Variants in CNTN3 observed in about 807,000 individuals in gnomAD.
CNTN3 encodes the protein contactin-3.
In CNTN3, 60 loss-of-function variants were observed where a neutral mutation model predicts 119.1. The observed-to-expected ratio is 0.50, with a 90% CI of 0.41 to 0.62. The LOEUF is 0.62. CNTN3 is among the 20% of genes least tolerant of loss of function. The pLI, the probability that CNTN3 is intolerant of heterozygous loss-of-function variation, is 0.00. For missense variants in CNTN3, 1,101 were observed against 1,242.4 expected (o/e 0.89, Z 1.71); for synonymous variants, 450 against 438.7 (o/e 1.03, Z -0.32).
chr3:74,358,593 T>TTTGA (rs1553649314), intron 11 of CNTN3, among the ~76,000 whole-genome samples: 8 of 98,666 alleles, frequency 8.1e-5, no homozygotes, highest in African/African-American at 4.2e-4. Context: ...TTTTTTTTTT[T>TTTGA]TTGATTTATT....
chr3:74,310,240 C>A (rs1559695683), intron 13 of CNTN3, among the ~76,000 whole-genome samples: 1 of 152,020 alleles, frequency 6.6e-6, no homozygotes, highest in Non-Finnish European at 1.5e-5. Context: ...GAATAAAGAG[C>A]CATTGTTTCA....
intron 4 of CNTN3, among the ~76,000 whole-genome samples, chr3:74,473,555 C>T (rs910824395): frequency 6.6e-6 from 1 of 152,178 alleles, no homozygotes; most frequent in Non-Finnish European, 1.5e-5. Flanking sequence ...TTCATCATTT[C>T]ATTTATTGAA....
chr3:74,541,800 G>T (rs1236488953), intron 1 of CNTN3, among the ~76,000 whole-genome samples: 1 of 152,128 alleles, frequency 6.6e-6, no homozygotes, highest in Non-Finnish European at 1.5e-5. Context: ...AAAGAAAATA[G>T]CATTTTTTTT....
At chr3:74,460,271 G>GT (rs1702340992) in intron 4 of CNTN3, among the ~76,000 whole-genome samples, 1 of 151,910 alleles carries the variant, frequency 6.6e-6, no homozygotes, top group Non-Finnish European at 1.5e-5. Flanking sequence ...TTTAGAATAA[G>GT]TTTTTTATAT....
intron 13 of CNTN3, among the ~76,000 whole-genome samples, chr3:74,329,419 T>A (rs148951452): frequency 3.3e-4 from 51 of 152,324 alleles, no homozygotes; most frequent in African/African-American, 1.2e-3. Flanking sequence ...CTAGACATTC[T>A]TTATTTCTAA....
At chr3:74,303,216 G>C (rs1489266645) in intron 13 of CNTN3, among the ~76,000 whole-genome samples, 1 of 152,094 alleles carries the variant, frequency 6.6e-6, no homozygotes. Context: ...GGACACATGT[G>C]GGTATCTAGT....
chr3:74,274,169 A>T (rs529449059), intron 20 of CNTN3, among the ~76,000 whole-genome samples: 8 of 151,930 alleles, frequency 5.3e-5, no homozygotes, highest in Non-Finnish European at 1.2e-4. Flanking sequence ...CTGTAGGAGG[A>T]GGTCAGACAC....
At chr3:74,608,652 CTTTATACACTAAAATAAATTT>C (rs1705031390) in intron 1 of CNTN3, among the ~76,000 whole-genome samples, 1 of 152,088 alleles carries the variant, frequency 6.6e-6, no homozygotes, top group South Asian at 2.1e-4. Context: ...AAAATAAAAT[CTTTATACACTAAAATAAATTT>C]TAGCCCTAGA....
chr3:74,550,386 TG>T (rs1455674404), intron 1 of CNTN3, among the ~76,000 whole-genome samples: 15 of 152,052 alleles, frequency 9.9e-5, no homozygotes, highest in African/African-American at 3.6e-4. Flanking sequence ...AACATGGGAG[TG>T]GGCACAAAAT....
At position 74,320,719 on chromosome 3, in the gene CNTN3, C is replaced by T. The variant is rs13319606; in HGVS notation, c.1668+14016G>A. ...TCAGACAGATCCAACTTCATGAAGA[C>T]GTCCCTGAGCCTCATGGTTAGAACT... On this transcript the variant is annotated intron_variant, in intron 13 of 22. Transcript: ENST00000263665. Among the ~76,000 whole-genome samples the T allele has an allele frequency of 3.1e-3, 473 of 152,268 alleles. 4 individuals carry two copies. Among genetic ancestry groups the T allele is most frequent in the African/African-American group, 0.011 (458 of 41,554 alleles).
At chr3:74,605,653 A>G (rs1704979876) in intron 1 of CNTN3, among the ~76,000 whole-genome samples, 2 of 152,054 alleles carry the variant, frequency 1.3e-5, no homozygotes, top group Admixed American at 6.6e-5. Flanking sequence ...AGTTTTGGCT[A>G]CTTGCCAGCT....
chr3:74,336,213 A>C (rs1559552679), intron 12 of CNTN3, among the ~76,000 whole-genome samples: 1 of 152,150 alleles, frequency 6.6e-6, no homozygotes, highest in Non-Finnish European at 1.5e-5. Flanking sequence ...TAATGAAAAA[A>C]ACAAAGTGTA....
chr3:74,294,269 G>C (rs893042509), intron 19 of CNTN3, among the ~76,000 whole-genome samples: 2 of 152,216 alleles, frequency 1.3e-5, no homozygotes, highest in Non-Finnish European at 2.9e-5. Context: ...TATCTTGCCA[G>C]TTCTCAGCTC....
intron 4 of CNTN3, among the ~76,000 whole-genome samples, chr3:74,456,145 G>T (rs1702264628): frequency 6.6e-6 from 1 of 151,908 alleles, no homozygotes; most frequent in Non-Finnish European, 1.5e-5. Context: ...TTGCTGCTTG[G>T]AGACTTAGGA....
At chr3:74,295,472 CT>C (rs772578107) in intron 18 of CNTN3, among the ~76,000 whole-genome samples, 3 of 152,146 alleles carry the variant, frequency 2.0e-5, no homozygotes, top group Non-Finnish European at 4.4e-5. Flanking sequence ...ACTTTCCTCC[CT>C]TGCACCTCTT....
At chr3:74,270,193 A>G (rs1317335889) in intron 20 of CNTN3, among the ~76,000 whole-genome samples, 1 of 152,164 alleles carries the variant, frequency 6.6e-6, no homozygotes. Context: ...CCTGCCTGTA[A>G]ATAGGCATAA....
At chr3:74,396,847 C>T (rs954445086) in intron 5 of CNTN3, among the ~76,000 whole-genome samples, 13 of 151,822 alleles carry the variant, frequency 8.6e-5, no homozygotes, top group African/African-American at 3.1e-4. Flanking sequence ...GAAGTCATCT[C>T]CATAACATAC....
intron 5 of CNTN3, among the ~76,000 whole-genome samples, chr3:74,419,275 A>ACT (rs1181101951): frequency 2.6e-5 from 4 of 151,790 alleles, no homozygotes; most frequent in Non-Finnish European, 1.5e-5. Flanking sequence ...CTTGACGGAG[A>ACT]CTCTAGCAAC....
At chr3:74,462,826 C>T (rs1702394444) in intron 4 of CNTN3, among the ~76,000 whole-genome samples, 1 of 152,082 alleles carries the variant, frequency 6.6e-6, no homozygotes, top group South Asian at 2.1e-4. Flanking sequence ...TAGGATAAAG[C>T]CTGTCCTCAC....
Sources: gnomAD v4.1 joint callset for allele counts (sites outside exome capture counted in the v4.1 genomes callset) on GRCh38, gnomAD v4.1.1 for gene constraint, MANE v1.5 for transcripts, NCBI Gene and HGNC (gene_info 2026-07-23, HGNC 2026-07-21) for gene names.